The following PCDH9 variants were observed in gnomAD, a reference collection of about 807,000 sequenced individuals.
PCDH9 encodes the protein protocadherin 9, also known as protocadherin-9.
In PCDH9, 24 loss-of-function variants were observed where a neutral mutation model predicts 70.6. That is an observed-to-expected ratio of 0.34 (90% CI 0.25 to 0.48). PCDH9 has a LOEUF of 0.48. PCDH9 is among the 20% of genes least tolerant of loss of function. The pLI is 0.99. For synonymous variants in PCDH9, 562 were observed against 558.5 expected, an observed-to-expected ratio of 1.01 and a Z score of -0.09; for missense variants, 1,281 against 1,503.6, an observed-to-expected ratio of 0.85 and a Z score of 2.45.
chr13:66,505,757 C>G (rs1959205357), intron 4 of PCDH9, among the ~76,000 whole-genome samples: 2 of 152,164 alleles, frequency 1.3e-5, no homozygotes, highest in South Asian at 4.1e-4. Context: ...CTCACTGGGT[C>G]CCTCATACAA....
At chr13:66,963,150 T>C (rs1017543681) in intron 2 of PCDH9, among the ~76,000 whole-genome samples, 10 of 151,812 alleles carry the variant, frequency 6.6e-5, no homozygotes, top group Admixed American at 1.3e-4. Flanking sequence ...CAGGCGGTAA[T>C]GTGAGCAATG....
chr13:66,651,475 T>C (rs1461961088), intron 3 of PCDH9, among the ~76,000 whole-genome samples: 1 of 151,800 alleles, frequency 6.6e-6, no homozygotes, highest in Non-Finnish European at 1.5e-5. Context: ...AACCTGAACA[T>C]ACCTATAACA....
chr13:66,632,744 A>G (rs1225390849), intron 3 of PCDH9, among the ~76,000 whole-genome samples: 1 of 152,096 alleles, frequency 6.6e-6, no homozygotes, highest in Non-Finnish European at 1.5e-5. Context: ...AGAGTAGTAC[A>G]TTTGCGCTAT....
chr13:66,385,198 T>G lies in PCDH9; in HGVS notation c.3341-80170A>C, dbSNP rs191862565. Among the ~76,000 whole-genome samples, 36 of 152,298 alleles carry G rather than the reference T, an allele frequency of 2.4e-4. No homozygotes were observed. The East Asian group carries it at 6.8e-3, about 29-fold the overall frequency. Reference sequence around the variant, plus strand: ...GTTGCAAATGACAGAATTTTCTTCTTTCTTAGCACTGAATAATATTCAATT... The same window carrying G: ...GTTGCAAATGACAGAATTTTCTTCTGTCTTAGCACTGAATAATATTCAATT... On this transcript the variant is annotated intron_variant, in intron 4 of 4. Coordinates refer to ENST00000377865, the MANE Select transcript of PCDH9 (RefSeq NM_203487.3).
chr13:67,035,418 T>A (rs964497822), intron 2 of PCDH9, among the ~76,000 whole-genome samples: 4 of 152,076 alleles, frequency 2.6e-5, no homozygotes, highest in African/African-American at 9.7e-5. Flanking sequence ...AAAGTTGACA[T>A]ACAGCTTTCA....
chr13:67,179,862 A>G (rs1446467164), intron 2 of PCDH9, among the ~76,000 whole-genome samples: 1 of 152,110 alleles, frequency 6.6e-6, no homozygotes, highest in Admixed American at 6.6e-5. Context: ...GTCAAGGTTA[A>G]GGGTAAGGGA....
intron 2 of PCDH9, among the ~76,000 whole-genome samples, chr13:67,003,416 T>A (rs975288507): frequency 2.8e-4 from 43 of 152,310 alleles, no homozygotes; most frequent in African/African-American, 8.9e-4. Flanking sequence ...TTCCATAGTA[T>A]GTTTATTATT....
intron 4 of PCDH9, among the ~76,000 whole-genome samples, chr13:66,524,319 C>A (rs1422977255): frequency 6.6e-6 from 1 of 151,636 alleles, no homozygotes; most frequent in African/African-American, 2.4e-5. Flanking sequence ...TTTTGTTGTT[C>A]TTTTTCCTTT....
intron 4 of PCDH9, among the ~76,000 whole-genome samples, chr13:66,426,991 T>C (rs1234377598): frequency 6.6e-6 from 1 of 151,608 alleles, no homozygotes; most frequent in East Asian, 1.9e-4. Flanking sequence ...TATATCATGA[T>C]TTTGCTGACA....
intron 4 of PCDH9, among the ~76,000 whole-genome samples, chr13:66,387,544 A>T (rs199712252): frequency 2.9e-4 from 26 of 88,968 alleles, no homozygotes; most frequent in East Asian, 2.6e-3. Flanking sequence ...ATCTGGTGGT[A>T]AAAAAAAAAA....
chr13:67,019,710 A>G lies in PCDH9; in HGVS notation c.3037-116105T>C, dbSNP rs1190629656. Among the ~76,000 whole-genome samples, 5 of 152,234 alleles carry G rather than the reference A, an allele frequency of 3.3e-5. 1 individual carries two copies. The highest frequency in any genetic ancestry group is 4.2e-4 in the South Asian group (2 of 4,818). On this transcript the variant is annotated intron_variant, in intron 2 of 4. Coordinates refer to ENST00000377865, the MANE Select transcript of PCDH9 (RefSeq NM_203487.3). ...AGGAGATAAGGGGTAACCTCAAGCT[A>G]TGGTAGACTAAGGAAACTTCAGAGC...
At chr13:66,528,004 C>T (rs1395052488) in intron 4 of PCDH9, among the ~76,000 whole-genome samples, 1 of 152,076 alleles carries the variant, frequency 6.6e-6, no homozygotes, top group African/African-American at 2.4e-5. Flanking sequence ...GGTGACAGAG[C>T]AAGACTCGGT....
intron 2 of PCDH9, among the ~76,000 whole-genome samples, chr13:66,940,588 C>A (rs2082991864): frequency 6.6e-6 from 1 of 151,852 alleles, no homozygotes; most frequent in Admixed American, 6.6e-5. Flanking sequence ...TAATAAAGAG[C>A]ATCAAAACTG....
At chr13:66,594,779 G>T (rs1299296873) in intron 4 of PCDH9, among the ~76,000 whole-genome samples, 2 of 151,556 alleles carry the variant, frequency 1.3e-5, no homozygotes, top group Non-Finnish European at 3.0e-5. Flanking sequence ...GCATTAGTTT[G>T]CAGAGGATAA....
At chr13:66,846,505 T>C (rs921674640) in intron 3 of PCDH9, among the ~76,000 whole-genome samples, 2 of 152,180 alleles carry the variant, frequency 1.3e-5, no homozygotes, top group African/African-American at 4.8e-5. Context: ...ATTTCTTTCA[T>C]ATTTTTAAAA....
intron 3 of PCDH9, among the ~76,000 whole-genome samples, chr13:66,640,071 A>C (rs2077688318): frequency 6.6e-6 from 1 of 152,216 alleles, no homozygotes; most frequent in South Asian, 2.1e-4. Flanking sequence ...AGTTACCCTT[A>C]CCATATTTAC....
intron 2 of PCDH9, among the ~76,000 whole-genome samples, chr13:67,059,698 C>G (rs899578351): frequency 3.8e-4 from 58 of 151,506 alleles, no homozygotes; most frequent in Non-Finnish European, 5.3e-4. Context: ...CAGAGTAAAC[C>G]GTCTTGAATG....
At position 66,713,623 on chromosome 13, in the gene PCDH9, G is replaced by A. The variant is rs993859730; in HGVS notation, c.3139-82212C>T. On this transcript the variant is annotated intron_variant, in intron 3 of 4. Transcript: ENST00000377865. ...GTATATATATATAAAGTGTGTGTGT[G>A]TGTATATATATATATATATATATAT... 8.2e-3 allele frequency among the ~76,000 whole-genome samples: 762 copies of A among 92,958 alleles called. 14 individuals carry two copies. Among genetic ancestry groups the A allele is most frequent in the African/African-American group, 0.024 (627 of 25,658 alleles). The allele number at this position is 92,958 out of a possible 152,430, so 61.0% of individuals were successfully genotyped here.
At chr13:66,899,951 T>C (rs2082250701) in intron 3 of PCDH9, among the ~76,000 whole-genome samples, 1 of 151,992 alleles carries the variant, frequency 6.6e-6, no homozygotes, top group Non-Finnish European at 1.5e-5. Context: ...TGTTTGAAGG[T>C]AAAGTCTTTA....
Sources: gnomAD v4.1 joint callset for allele counts (sites outside exome capture counted in the v4.1 genomes callset) on GRCh38, gnomAD v4.1.1 for gene constraint, MANE v1.5 for transcripts, NCBI Gene and HGNC (gene_info 2026-07-23, HGNC 2026-07-21) for gene names.